CERS6: variants seen among roughly 807,000 people sequenced by gnomAD.
CERS6 encodes the protein LAG1 homolog, ceramide synthase 6.
In CERS6, 26 loss-of-function variants were observed where a neutral mutation model predicts 56.8. That is an observed-to-expected ratio of 0.46 (90% CI 0.34 to 0.63). The LOEUF is 0.63. Among genes scored for constraint, CERS6 ranks in the 30% least tolerant of loss-of-function variants. The pLI, the probability that CERS6 is intolerant of heterozygous loss-of-function variation, is 0.01. For synonymous variants in CERS6, 164 were observed against 173.3 expected (o/e 0.95, Z 0.42); for missense variants, 415 against 467.5 (o/e 0.89, Z 1.04).
At chr2:168,710,177 C>T (rs918196094) in intron 6 of CERS6, among the ~76,000 whole-genome samples, 2 of 152,074 alleles carry the variant, frequency 1.3e-5, no homozygotes, top group African/African-American at 2.4e-5. Flanking sequence ...TTAAAGGAGC[C>T]GTGCTGTATT....
At chr2:168,631,709 T>C (rs1174078124) in intron 4 of CERS6, among the ~76,000 whole-genome samples, 9 of 117,552 alleles carry the variant, frequency 7.7e-5, no homozygotes, top group African/African-American at 2.7e-4. Flanking sequence ...TTTATATTTA[T>C]ATTATATTTA....
chr2:168,626,289 T>G (rs936710979), intron 3 of CERS6, among the ~76,000 whole-genome samples: 12 of 152,184 alleles, frequency 7.9e-5, no homozygotes, highest in African/African-American at 2.9e-4. Flanking sequence ...ACGGCCCTCG[T>G]ATGCCTGCCC....
intron 3 of CERS6, among the ~76,000 whole-genome samples, chr2:168,628,095 A>G (rs891658645): frequency 6.6e-6 from 1 of 152,148 alleles, no homozygotes; most frequent in Admixed American, 6.5e-5. Context: ...TATATTGGCA[A>G]TGCCTAAAAC....
intron 6 of CERS6, among the ~76,000 whole-genome samples, chr2:168,703,489 C>T (rs551113825): frequency 6.6e-6 from 1 of 152,078 alleles, no homozygotes; most frequent in East Asian, 1.9e-4. Context: ...ACCCGAGAGG[C>T]GGAGATTGCA....
intron 8 of CERS6, among the ~76,000 whole-genome samples, chr2:168,760,229 C>A (rs773443191): frequency 6.6e-6 from 1 of 152,168 alleles, no homozygotes; most frequent in African/African-American, 2.4e-5. Context: ...CCACAGTAGG[C>A]TGGCTGCAAG....
At chr2:168,501,547 G>A (rs1487813337) in intron 1 of CERS6, among the ~76,000 whole-genome samples, 1 of 152,184 alleles carries the variant, frequency 6.6e-6, no homozygotes, top group Non-Finnish European at 1.5e-5. Flanking sequence ...CTTGGTCTGA[G>A]GGAATGGACC....
intron 1 of CERS6, among the ~76,000 whole-genome samples, chr2:168,546,903 C>T (rs958684899): frequency 7.9e-5 from 12 of 152,318 alleles, no homozygotes; most frequent in African/African-American, 2.9e-4. Flanking sequence ...ACAGCAAATG[C>T]GACCAGAAAG....
rs189173563 is a variant in CERS6 at position 168,668,255 on chromosome 2, T to G, written c.466-22779T>G. 1.4e-4 allele frequency among the ~76,000 whole-genome samples: 21 copies of G among 152,258 alleles called. No homozygotes were observed. The East Asian group carries it at 4.1e-3, about 29-fold the overall frequency. ...TCATTCTCTTTCCTAACCCCATTAT[T>G]CCTACTCTGATTTTCCTCATCTTAT... On this transcript the variant is annotated intron_variant, in intron 4 of 9. Coordinates refer to ENST00000305747, the MANE Select transcript of CERS6 (RefSeq NM_203463.3).
chr2:168,617,409 CA>C (rs571103866), intron 3 of CERS6, among the ~76,000 whole-genome samples: 1 of 150,536 alleles, frequency 6.6e-6, no homozygotes, highest in African/African-American at 2.4e-5. Flanking sequence ...GAAATTGAAA[CA>C]AAAAAAATTG....
intron 3 of CERS6, among the ~76,000 whole-genome samples, chr2:168,627,654 C>A (rs1366960365): frequency 6.6e-6 from 1 of 150,682 alleles, no homozygotes; most frequent in Non-Finnish European, 1.5e-5. Flanking sequence ...TTATTGTAAA[C>A]CTAGGATTCA....
intron 6 of CERS6, among the ~76,000 whole-genome samples, chr2:168,706,881 T>G (rs978534470): frequency 6.6e-5 from 10 of 152,216 alleles, no homozygotes; most frequent in East Asian, 1.9e-4. Context: ...TTTTAATTTT[T>G]GGGGACGTGT....
chr2:168,766,905 C>G (rs1684745669), intron 9 of CERS6, among the ~76,000 whole-genome samples: 1 of 152,232 alleles, frequency 6.6e-6, no homozygotes, highest in African/African-American at 2.4e-5. Flanking sequence ...AGTAGAAATC[C>G]TAATTATTTT....
At chr2:168,618,576 T>C (rs1684376906) in intron 3 of CERS6, among the ~76,000 whole-genome samples, 5 of 152,182 alleles carry the variant, frequency 3.3e-5, no homozygotes, top group Non-Finnish European at 7.4e-5. Context: ...AACTCTCGTA[T>C]ACACCAACAG....
At chr2:168,533,610 A>G (rs1490980068) in intron 1 of CERS6, among the ~76,000 whole-genome samples, 1 of 152,066 alleles carries the variant, frequency 6.6e-6, no homozygotes, top group African/African-American at 2.4e-5. Context: ...TTCCCTTTAT[A>G]TGTGACCTGG....
intron 1 of CERS6, among the ~76,000 whole-genome samples, chr2:168,502,232 G>T (rs2105345669): frequency 6.6e-6 from 1 of 152,056 alleles, no homozygotes. Flanking sequence ...AAAATTGGAT[G>T]TTCGTTTGGA....
In CERS6 at chr2:168,737,931, T is replaced by C. The variant is rs145647888; in HGVS notation, c.845+19953T>C. ...GTGATAATGGCATTATGGTGAGTGT[T>C]TTTTAAGAGTTTGAAATATGTATAG... On this transcript the variant is annotated intron_variant, in intron 8 of 9. Transcript: ENST00000305747. Among the ~76,000 whole-genome samples, 1,374 of 152,306 alleles carry C rather than the reference T, an allele frequency of 9.0e-3. 9 individuals carry two copies. Among genetic ancestry groups the C allele is most frequent in the Non-Finnish European group, 0.013 (869 of 68,030 alleles).
intron 8 of CERS6, among the ~76,000 whole-genome samples, chr2:168,758,788 A>G (rs921042371): frequency 6.6e-6 from 1 of 152,204 alleles, no homozygotes; most frequent in Non-Finnish European, 1.5e-5. Flanking sequence ...TTGGAGTAAG[A>G]TGCCAGTGAA....
intron 3 of CERS6, among the ~76,000 whole-genome samples, chr2:168,603,477 A>G (rs1019460255): frequency 6.6e-6 from 1 of 152,220 alleles, no homozygotes; most frequent in Non-Finnish European, 1.5e-5. Context: ...TGAAAAATCA[A>G]AGGATGATTT....
chr2:168,645,039 C>G (rs60885330), intron 4 of CERS6, among the ~76,000 whole-genome samples: 6 of 131,160 alleles, frequency 4.6e-5, no homozygotes, highest in African/African-American at 1.7e-4. Context: ...TGCAGTGAGC[C>G]GAGATCACAC....
Sources: allele counts gnomAD v4.1 joint callset (sites outside exome capture counted in the v4.1 genomes callset), GRCh38; gene constraint gnomAD v4.1.1; transcripts MANE v1.5; gene names NCBI Gene and HGNC (gene_info 2026-07-23, HGNC 2026-07-21).